AGBL1: variants seen among roughly 807,000 people sequenced by gnomAD.
AGBL1 encodes cytosolic carboxypeptidase 4.
Under a neutral mutation model 118.9 loss-of-function variants are expected in AGBL1, and 130 were observed. That is an observed-to-expected ratio of 1.09 (90% CI 0.95 to 1.26). The LOEUF is 1.26. AGBL1 is among the 50% of genes most tolerant of loss of function. The pLI is 0.00. For missense variants in AGBL1, 1,584 were observed against 1,298.1 expected, an observed-to-expected ratio of 1.22 and a Z score of -3.38; for synonymous variants, 555 against 478.9, an observed-to-expected ratio of 1.16 and a Z score of -2.08.
At chr15:86,303,051 T>C (rs1475415315) in intron 17 of AGBL1, among the ~76,000 whole-genome samples, 1 of 152,146 alleles carries the variant, frequency 6.6e-6, no homozygotes, top group East Asian at 1.9e-4. Context: ...GATAGTGGTG[T>C]CATGGAGTCC....
chr15:86,881,190 G>T (rs2079886543), intron 22 of AGBL1, among the ~76,000 whole-genome samples: 1 of 152,198 alleles, frequency 6.6e-6, no homozygotes, highest in African/African-American at 2.4e-5. Context: ...TTTTAAGACA[G>T]AAATGCAATT....
At chr15:86,776,989 T>C (rs993749676) in intron 22 of AGBL1, among the ~76,000 whole-genome samples, 4 of 152,070 alleles carry the variant, frequency 2.6e-5, no homozygotes, top group African/African-American at 9.7e-5. Flanking sequence ...AGGTTTTTTT[T>C]CTTCTATACA....
At chr15:86,639,532 A>G (rs982701607) in intron 21 of AGBL1, among the ~76,000 whole-genome samples, 1 of 152,148 alleles carries the variant, frequency 6.6e-6, no homozygotes, top group African/African-American at 2.4e-5. Flanking sequence ...CTTCTGTGCC[A>G]CACCTCCTCT....
intron 3 of AGBL1, among the ~76,000 whole-genome samples, chr15:86,154,095 G>T (rs2077154950): frequency 6.6e-6 from 1 of 151,958 alleles, no homozygotes; most frequent in Non-Finnish European, 1.5e-5. Flanking sequence ...TTAATATTAA[G>T]AATATTCAAT....
At chr15:86,154,615 A>T in intron 4 of AGBL1, 54 bp downstream of exon 4, 1 of 1,557,802 alleles carries the variant, frequency 6.4e-7, no homozygotes, top group South Asian at 1.2e-5. Flanking sequence ...GGGCTGGGAC[A>T]CATGGAAACT....
chr15:86,384,010 A>T (rs140188534), intron 17 of AGBL1, among the ~76,000 whole-genome samples: 74 of 152,206 alleles, frequency 4.9e-4, no homozygotes, highest in Non-Finnish European at 2.1e-4. Context: ...GTAATAAAGT[A>T]TAACAGGGTG....
chr15:86,410,841 T>TATATATATATATATATATATATATAA (rs67883935), intron 18 of AGBL1, among the ~76,000 whole-genome samples: 4 of 64,542 alleles, frequency 6.2e-5, no homozygotes, highest in African/African-American at 2.7e-4. Flanking sequence ...TATATATATA[T>TATATATATATATATATATATATATAA]AATATACTAT....
At chr15:86,485,908 A>C (rs926400154) in intron 18 of AGBL1, among the ~76,000 whole-genome samples, 5 of 152,108 alleles carry the variant, frequency 3.3e-5, no homozygotes, top group African/African-American at 1.2e-4. Context: ...CCTTGACCAC[A>C]TCTCTCCTTT....
At chr15:86,415,455 G>C (rs766227039) in intron 18 of AGBL1, among the ~76,000 whole-genome samples, 2 of 152,080 alleles carry the variant, frequency 1.3e-5, no homozygotes, top group Non-Finnish European at 2.9e-5. Context: ...TGAGTTAAGT[G>C]AGTTACTATA....
chr15:86,466,422 T>C (rs1341712452), intron 18 of AGBL1, among the ~76,000 whole-genome samples: 1 of 152,226 alleles, frequency 6.6e-6, no homozygotes, highest in Non-Finnish European at 1.5e-5. Context: ...TTAGCTTCCT[T>C]GCATTGAATT....
intron 5 of AGBL1, among the ~76,000 whole-genome samples, chr15:86,200,569 T>A (rs1174138824): frequency 1.2e-3 from 169 of 140,134 alleles, no homozygotes; most frequent in African/African-American, 4.1e-3. Flanking sequence ...CCCCTTTTTT[T>A]TTTGCTCCCA....
intron 19 of AGBL1, among the ~76,000 whole-genome samples, chr15:86,535,785 G>T (rs1816097741): frequency 6.6e-6 from 1 of 152,056 alleles, no homozygotes. Flanking sequence ...AAAAGGAGAT[G>T]AAAAAAAGGA....
intron 21 of AGBL1, among the ~76,000 whole-genome samples, chr15:86,642,320 G>A (rs569203699): frequency 6.6e-6 from 1 of 152,230 alleles, no homozygotes; most frequent in South Asian, 2.1e-4. Flanking sequence ...TTATTGTCAT[G>A]CATCTCATTC....
exon 25 of AGBL1, chr15:87,028,845 G>C: frequency 6.2e-7 from 1 of 1,604,496 alleles, no homozygotes; most frequent in South Asian, 1.1e-5. Flanking sequence ...ACTTGATGAG[G>C]CTCCCTTCAA....
chr15:86,248,940 T>C (rs1442190374), intron 7 of AGBL1, among the ~76,000 whole-genome samples: 1 of 152,174 alleles, frequency 6.6e-6, no homozygotes, highest in Non-Finnish European at 1.5e-5. Flanking sequence ...GAGCTGGTCA[T>C]GCTGGTCAGG....
At chr15:87,002,725 A>G (rs1396368319) in intron 24 of AGBL1, among the ~76,000 whole-genome samples, 3 of 152,042 alleles carry the variant, frequency 2.0e-5, no homozygotes, top group Non-Finnish European at 4.4e-5. Context: ...TAGGTATTTT[A>G]TTCTCTTTGA....
At position 86,785,663 on chromosome 15, in the gene AGBL1, C is replaced by T. The variant is rs375104621; in HGVS notation, c.3158+111227C>T. Among the ~76,000 whole-genome samples the T allele has an allele frequency of 1.6e-4, 24 of 152,188 alleles. No individual in the cohort carries two copies. In the East Asian group the frequency reaches 2.1e-3, roughly 13 times the overall value. On this transcript the variant is annotated intron_variant, in intron 22 of 22. Coordinates refer to ENST00000614907, the MANE Select transcript of AGBL1 (RefSeq NM_001386094.1). The stretch of plus-strand genomic sequence containing the variant: ...GATTACAGGCATGAGCCACCATGCT[C>T]GGCCCGAGATGTGCGTGTTTTAAAG...
chr15:86,326,280 A>C (rs1235833050), intron 17 of AGBL1, among the ~76,000 whole-genome samples: 2 of 152,182 alleles, frequency 1.3e-5, no homozygotes, highest in Non-Finnish European at 1.5e-5. Flanking sequence ...CTTATGAAAC[A>C]AGAAATGCAG....
intron 18 of AGBL1, among the ~76,000 whole-genome samples, chr15:86,433,977 C>G (rs1054547350): frequency 1.3e-5 from 2 of 152,320 alleles, no homozygotes; most frequent in South Asian, 2.1e-4. Context: ...ATTCTACCAT[C>G]CAGAGTGGAG....
Sources: allele counts gnomAD v4.1 joint callset (sites outside exome capture counted in the v4.1 genomes callset), GRCh38; gene constraint gnomAD v4.1.1; transcripts MANE v1.5; gene names NCBI Gene and HGNC (gene_info 2026-07-23, HGNC 2026-07-21).